Variants in TMEM61 observed in about 807,000 individuals in gnomAD.
TMEM61 encodes transmembrane protein 61.
A neutral mutation model predicts 12.0 loss-of-function variants in TMEM61; 13 were observed. The ratio of observed to expected loss-of-function variants is 1.08; its 90% confidence interval spans 0.70 to 1.72. TMEM61 has a LOEUF of 1.72. Among genes scored for constraint, TMEM61 ranks in the 40% most tolerant of loss-of-function variants. TMEM61 has a pLI of 0.00. For synonymous variants in TMEM61, 109 were observed against 121.4 expected, an observed-to-expected ratio of 0.90 and a Z score of 0.67; for missense variants, 249 against 276.9, an observed-to-expected ratio of 0.90 and a Z score of 0.71.
chr1:54,984,086 A>G (rs1644242699), intron 1 of TMEM61, among the ~76,000 whole-genome samples: 1 of 152,156 alleles, frequency 6.6e-6, no homozygotes, highest in Admixed American at 6.5e-5. Flanking sequence ...GTTTTTAAAC[A>G]CATTTGGTAA....
At chr1:54,986,485 G>C (rs761334255) in intron 2 of TMEM61, 39 bp downstream of exon 2, 1 of 1,488,740 alleles carries the variant, frequency 6.7e-7, no homozygotes, top group East Asian at 2.3e-5. Context: ...GGGGACTGCA[G>C]GTAGGGGCCC....
rs143135625 is a variant in TMEM61 at position 54,987,868 on chromosome 1, C to T, written c.365+1422C>T. ...GACCTGGGACCTGAATGCTCTTCCTCCCTGTTTTAACAGGGAAAATGTTTT... is the reference window on the plus strand; with the variant it reads ...GACCTGGGACCTGAATGCTCTTCCTTCCTGTTTTAACAGGGAAAATGTTTT... On this transcript the variant is annotated intron_variant, in intron 2 of 2. Transcript: ENST00000371268. Among the ~76,000 whole-genome samples, 535 of 152,328 alleles carry T rather than the reference C, an allele frequency of 3.5e-3. 3 individuals carry two copies. Among genetic ancestry groups the T allele is most frequent in the African/African-American group, 0.012 (508 of 41,560 alleles).
In TMEM61 at chr1:54,992,008, A is replaced by G. The variant is rs1570264448; in HGVS notation, c.538A>G (p.Ile180Val). Residue 180 changes from isoleucine to valine, a missense_variant, in exon 3 of 3, where the codon ATC (isoleucine) becomes GTC (valine). Physicochemically the swap from Ile to Val is conservative, Grantham distance 29. Transcript: ENST00000371268. Reference protein sequence around the residue: ...PAWPPPSYESISLALDAVSAE... With the variant: ...PAWPPPSYESVSLALDAVSAE... Reference sequence around the variant, plus strand: ...CTGGCCTCCACCCAGCTATGAGAGCATCAGCCTTGCTCTTGATGCCGTTTC... The same window carrying G: ...CTGGCCTCCACCCAGCTATGAGAGCGTCAGCCTTGCTCTTGATGCCGTTTC... The G allele has an allele frequency of 6.2e-7, 1 of 1,614,140 alleles. No homozygotes were observed. The highest frequency in any genetic ancestry group is 1.1e-5 in the South Asian group (1 of 91,084).
At chr1:54,985,820 C>A (rs1353407116) in intron 1 of TMEM61, among the ~76,000 whole-genome samples, 1 of 152,106 alleles carries the variant, frequency 6.6e-6, no homozygotes, top group African/African-American at 2.4e-5. Context: ...CAGATGGGGC[C>A]CCTGAGGCCT....
At chr1:54,984,149 T>G (rs1209600221) in intron 1 of TMEM61, among the ~76,000 whole-genome samples, 1 of 152,214 alleles carries the variant, frequency 6.6e-6, no homozygotes, top group Non-Finnish European at 1.5e-5. Context: ...ACATTTGCCA[T>G]GCCCTTCAGC....
intron 1 of TMEM61, among the ~76,000 whole-genome samples, chr1:54,985,529 A>C (rs1644251741): frequency 6.6e-6 from 1 of 152,182 alleles, no homozygotes. Context: ...GAGTCACTGC[A>C]CCTGGCTTGC....
chr1:54,989,207 A>C (rs1428002850), intron 2 of TMEM61, among the ~76,000 whole-genome samples: 1 of 151,986 alleles, frequency 6.6e-6, no homozygotes, highest in Non-Finnish European at 1.5e-5. Flanking sequence ...CTTGGGGGAG[A>C]GGTGTGATAG....
intron 1 of TMEM61, among the ~76,000 whole-genome samples, chr1:54,983,264 C>T (rs1445530708): frequency 6.6e-6 from 1 of 151,776 alleles, no homozygotes; most frequent in Non-Finnish European, 1.5e-5. Context: ...CAGGTGCCCA[C>T]CACCACGCCT....
chr1:54,985,232 TG>T (rs1644249736), intron 1 of TMEM61, among the ~76,000 whole-genome samples: 2 of 130,276 alleles, frequency 1.5e-5, no homozygotes, highest in African/African-American at 2.5e-5. Flanking sequence ...TGTGTGTGTG[TG>T]TGTGTGTGTG....
rs1287848361 is a variant in TMEM61, at chr1:54,980,778, G to C, written c.-288G>C. The C allele has an allele frequency of 5.8e-6, 2 of 342,700 alleles. No individual in the cohort carries two copies. The highest frequency in any genetic ancestry group is 4.8e-5 in the Admixed American group (1 of 20,778). 21.2% of individuals were successfully genotyped at this position (342,700 alleles called of 1,614,324 possible). On this transcript the variant is annotated 5_prime_UTR_variant, in exon 1 of 3. Transcript: ENST00000371268. ...GCGGGGAGCGCGCAGCCCTCGGGGC[G>C]GGCGCCGGGGTGAGGCCTGGCTCGG...
Position 54,981,018 on chromosome 1 carries a change from G to T in TMEM61, c.-48G>T. ...GTCCTCCACCACCACACCTTCACCT[G>T]CGCCCGGCTCCCTGCGCGCCTGGAC... On this transcript the variant is annotated 5_prime_UTR_variant, in exon 1 of 3. Coordinates refer to ENST00000371268, the MANE Select transcript of TMEM61 (RefSeq NM_182532.3). The T allele has an allele frequency of 6.5e-7, 1 of 1,537,130 alleles. No individual in the cohort carries two copies. Among genetic ancestry groups the T allele is most frequent in the Non-Finnish European group, 8.8e-7 (1 of 1,139,216 alleles).
intron 2 of TMEM61, among the ~76,000 whole-genome samples, chr1:54,989,013 A>G (rs1401541557): frequency 6.6e-6 from 1 of 152,164 alleles, no homozygotes; most frequent in Admixed American, 6.5e-5. Context: ...CTCAGATGAG[A>G]TGAGAGTTAG....
Position 54,991,959 on chromosome 1 carries a change from T to C in TMEM61, c.489T>C (p.Asp163=). 1 of 1,614,166 alleles carries C rather than the reference T, an allele frequency of 6.2e-7. No individual in the cohort carries two copies. Among genetic ancestry groups the C allele is most frequent in the Non-Finnish European group, 8.5e-7 (1 of 1,180,030 alleles). The change falls in exon 3 of 3, where the codon GAT becomes GAC. Residue 163 remains aspartate (D), a synonymous_variant. Transcript: ENST00000371268. ...CCCTGGAGCCAAGTGGATCGAGGGA[T>C]GCCCTGCTCAGCACCCAGCCCGCCT... ...EEALEPSGSR[D]ALLSTQPAWP...
At chr1:54,991,534 C>T (rs1245281729) in intron 2 of TMEM61, among the ~76,000 whole-genome samples, 1 of 152,218 alleles carries the variant, frequency 6.6e-6, no homozygotes, top group Admixed American at 6.5e-5. Context: ...AGCCCCTGGA[C>T]TCTCAGTCAC....
Position 54,986,130 on chromosome 1 carries a change from C to T in TMEM61, c.49C>T (p.Arg17Cys), listed in dbSNP as rs759637613. ...CDGSHLASTL[R>C]YCMTVSGTVV... Reference sequence around the variant, plus strand: ...CGGGAGCCACTTGGCCTCCACCCTCCGCTATTGCATGACAGTCAGCGGCAC... The same window carrying T: ...CGGGAGCCACTTGGCCTCCACCCTCTGCTATTGCATGACAGTCAGCGGCAC... The change falls in exon 2 of 3, where the codon CGC becomes TGC. Residue 17 changes from arginine to cysteine, a missense_variant. By Grantham distance (180) the Arg-to-Cys change is radical. Coordinates refer to ENST00000371268, the MANE Select transcript of TMEM61 (RefSeq NM_182532.3). 18 of 1,603,268 alleles carry T rather than the reference C, an allele frequency of 1.1e-5. No homozygotes were observed. Among genetic ancestry groups the T allele is most frequent in the East Asian group, 2.2e-5 (1 of 44,608 alleles).
intron 1 of TMEM61, among the ~76,000 whole-genome samples, chr1:54,982,461 T>C (rs1044446558): frequency 2.0e-5 from 3 of 152,252 alleles, no homozygotes; most frequent in East Asian, 1.9e-4. Flanking sequence ...CTTCATCCAG[T>C]GGACATTGAC....
chr1:54,982,582 T>C (rs753687204), intron 1 of TMEM61, among the ~76,000 whole-genome samples: 3 of 152,092 alleles, frequency 2.0e-5, no homozygotes, highest in Non-Finnish European at 2.9e-5. Context: ...CCCGACCCCA[T>C]GTGAGAACAC....
At position 54,980,943 on chromosome 1, in the gene TMEM61, G is replaced by C; in HGVS notation, c.-123G>C. 1 of 1,066,512 alleles carries C rather than the reference G, an allele frequency of 9.4e-7. No homozygotes were observed. Among genetic ancestry groups the C allele is most frequent in the Middle Eastern group, 3.2e-4 (1 of 3,136 alleles). 66.1% of individuals were successfully genotyped at this position (1,066,512 alleles called of 1,614,324 possible). On this transcript the variant is annotated 5_prime_UTR_variant, in exon 1 of 3. Coordinates refer to ENST00000371268, the MANE Select transcript of TMEM61 (RefSeq NM_182532.3). ...AGGCCCCTCCGCCCCTAACACCCGC[G>C]CCTCCTGCAGACCCGAGGGTCGCCG...
chr1:54,986,075 C>T, intron 1 of TMEM61, 22 bp from the exon 2 acceptor site: 1 of 1,553,410 alleles, frequency 6.4e-7, no homozygotes, highest in Non-Finnish European at 8.7e-7. Flanking sequence ...ATTTCCTCTT[C>T]TCCCTCCTTC....
Sources: gnomAD v4.1 joint callset for allele counts (sites outside exome capture counted in the v4.1 genomes callset) on GRCh38, gnomAD v4.1.1 for gene constraint, MANE v1.5 for transcripts, NCBI Gene and HGNC (gene_info 2026-07-23, HGNC 2026-07-21) for gene names.